GRIN2A: variants seen among roughly 807,000 people sequenced by gnomAD.
GRIN2A encodes the protein glutamate receptor ionotropic, NMDA 2A.
GRIN2A carries 22 observed loss-of-function variants against 113.4 expected under a neutral mutation model. That is an observed-to-expected ratio of 0.19 (90% CI 0.14 to 0.28). The LOEUF (loss-of-function observed/expected upper bound fraction) is 0.28. Ranked by LOEUF, GRIN2A falls within the 10% of genes least tolerant of loss-of-function variation. The probability of loss-of-function intolerance (pLI) is 1.00; values close to 1 mark genes in which losing one functional copy is unlikely to be tolerated. For missense variants in GRIN2A, 1,502 were observed against 1,887.0 expected (o/e 0.80, Z 3.78); for synonymous variants, 827 against 738.4 (o/e 1.12, Z -1.94).
chr16:10,146,797 A>T (rs760466989), intron 2 of GRIN2A, among the ~76,000 whole-genome samples: 2 of 151,932 alleles, frequency 1.3e-5, no homozygotes, highest in African/African-American at 4.8e-5. Flanking sequence ...CCCATCCCTC[A>T]TGTCCACTTG....
At chr16:10,059,428 T>G (rs1323652530) in intron 2 of GRIN2A, among the ~76,000 whole-genome samples, 1 of 152,128 alleles carries the variant, frequency 6.6e-6, no homozygotes, top group East Asian at 1.9e-4. Flanking sequence ...CTGAGGCATC[T>G]ACGGGTACAG....
At chr16:9,901,895 T>C (rs919436169) in intron 3 of GRIN2A, among the ~76,000 whole-genome samples, 2 of 152,368 alleles carry the variant, frequency 1.3e-5, no homozygotes, top group South Asian at 2.1e-4. Context: ...TCCCTGAATA[T>C]GTGAGTAAGA....
At chr16:10,028,341 G>T (rs1004819306) in intron 2 of GRIN2A, among the ~76,000 whole-genome samples, 5 of 151,666 alleles carry the variant, frequency 3.3e-5, no homozygotes, top group Non-Finnish European at 7.4e-5. Flanking sequence ...GATGGCTACA[G>T]GTCCAAAATG....
chr16:9,935,512 T>TCA (rs71157793), intron 3 of GRIN2A, among the ~76,000 whole-genome samples: 21,432 of 132,646 alleles, frequency 0.16, 1,684 homozygotes, highest in East Asian at 0.18. Context: ...GTCTACTTCA[T>TCA]CACACACACA....
At position 9,852,197 on chromosome 16, in the gene GRIN2A, C is replaced by T. The variant is rs535440962; in HGVS notation, c.1123-2236G>A. ...AGGTTATGTGACTTGCACAAACTCACACAGCAATAAGTGGTGGAACCAGAG... is the reference window on the plus strand; with the variant it reads ...AGGTTATGTGACTTGCACAAACTCATACAGCAATAAGTGGTGGAACCAGAG... On this transcript the variant is annotated intron_variant, in intron 4 of 12. Coordinates refer to ENST00000330684, the MANE Select transcript of GRIN2A (RefSeq NM_001134407.3). Among the ~76,000 whole-genome samples the T allele has an allele frequency of 1.8e-4, 28 of 152,320 alleles. 1 individual carries two copies. The highest frequency in any genetic ancestry group is 1.3e-3 in the Admixed American group (20 of 15,300).
chr16:9,819,886 A>G (rs1372855565), intron 10 of GRIN2A, among the ~76,000 whole-genome samples: 1 of 131,506 alleles, frequency 7.6e-6, no homozygotes, highest in African/African-American at 3.0e-5. Flanking sequence ...GCACCATTGC[A>G]CTCCAGCATG....
At chr16:10,144,245 G>C (rs1434346917) in intron 2 of GRIN2A, among the ~76,000 whole-genome samples, 1 of 152,098 alleles carries the variant, frequency 6.6e-6, no homozygotes, top group Non-Finnish European at 1.5e-5. Context: ...TTTCATATCA[G>C]CTGCATTATT....
intron 3 of GRIN2A, among the ~76,000 whole-genome samples, chr16:9,934,167 C>T (rs919035137): frequency 1.3e-5 from 2 of 152,054 alleles, no homozygotes; most frequent in African/African-American, 4.8e-5. Context: ...TGATGAATAT[C>T]GGGTTGAGTA....
At chr16:9,990,407 G>A (rs2046078885) in intron 2 of GRIN2A, among the ~76,000 whole-genome samples, 1 of 151,970 alleles carries the variant, frequency 6.6e-6, no homozygotes, top group Non-Finnish European at 1.5e-5. Context: ...GGGGGTCAAG[G>A]GTTGAAAAAC....
At chr16:9,990,561 G>GCACACACACA (rs776273740) in intron 2 of GRIN2A, among the ~76,000 whole-genome samples, 15 of 128,738 alleles carry the variant, frequency 1.2e-4, no homozygotes, top group African/African-American at 1.9e-4. Flanking sequence ...GCGCGCGCGC[G>GCACACACACA]CGCACACACA....
At chr16:9,914,436 T>G (rs1229056198) in intron 3 of GRIN2A, among the ~76,000 whole-genome samples, 1 of 152,248 alleles carries the variant, frequency 6.6e-6, no homozygotes, top group Non-Finnish European at 1.5e-5. Context: ...TAGAGTTAAC[T>G]CAACCAGCTG....
chr16:9,867,828 G>A (rs2043187101), intron 4 of GRIN2A, among the ~76,000 whole-genome samples: 1 of 151,886 alleles, frequency 6.6e-6, no homozygotes, highest in Non-Finnish European at 1.5e-5. Context: ...TCCAGGCTCA[G>A]GCCTCGGCCT....
At chr16:10,139,093 C>A (rs541231129) in intron 2 of GRIN2A, among the ~76,000 whole-genome samples, 1 of 152,166 alleles carries the variant, frequency 6.6e-6, no homozygotes, top group Non-Finnish European at 1.5e-5. Context: ...GGAGACAGCA[C>A]GGATCAAGCC....
chr16:9,991,527 T>C (rs1380123262), intron 2 of GRIN2A, among the ~76,000 whole-genome samples: 1 of 152,202 alleles, frequency 6.6e-6, no homozygotes, highest in Non-Finnish European at 1.5e-5. Flanking sequence ...ACCCATTAAA[T>C]AACTTCTCAT....
At chr16:9,800,727 A>C (rs534932621) in intron 10 of GRIN2A, among the ~76,000 whole-genome samples, 2 of 152,170 alleles carry the variant, frequency 1.3e-5, no homozygotes, top group East Asian at 3.9e-4. Flanking sequence ...AGAGTATTAA[A>C]GGGAATCAGA....
intron 3 of GRIN2A, among the ~76,000 whole-genome samples, chr16:9,920,961 T>C (rs1389187024): frequency 6.6e-6 from 1 of 152,210 alleles, no homozygotes; most frequent in Non-Finnish European, 1.5e-5. Context: ...CTGGGGATTT[T>C]GCTCAATCCT....
intron 2 of GRIN2A, among the ~76,000 whole-genome samples, chr16:10,161,482 A>G (rs2049808085): frequency 6.6e-6 from 1 of 152,224 alleles, no homozygotes; most frequent in Admixed American, 6.5e-5. Context: ...TCGCCTTAGT[A>G]CCAACATAGT....
intron 3 of GRIN2A, among the ~76,000 whole-genome samples, chr16:9,894,418 C>T (rs924591093): frequency 5.3e-5 from 8 of 152,144 alleles, no homozygotes; most frequent in African/African-American, 7.2e-5. Flanking sequence ...TTTTTGTTCA[C>T]GGCTTAAAAA....
intron 3 of GRIN2A, among the ~76,000 whole-genome samples, chr16:9,924,494 T>C (rs2044418778): frequency 6.6e-6 from 1 of 152,236 alleles, no homozygotes; most frequent in Non-Finnish European, 1.5e-5. Context: ...TTTTAGCTGA[T>C]ATATCTTTAA....
Sources: allele counts gnomAD v4.1 joint callset (sites outside exome capture counted in the v4.1 genomes callset), GRCh38; gene constraint gnomAD v4.1.1; transcripts MANE v1.5; gene names NCBI Gene and HGNC (gene_info 2026-07-23, HGNC 2026-07-21).